CPED1: variants seen among roughly 807,000 people sequenced by gnomAD.
CPED1 encodes cadherin-like and PC-esterase domain-containing protein 1.
CPED1 carries 114 observed loss-of-function variants against 128.2 expected under a neutral mutation model. The ratio of observed to expected loss-of-function variants is 0.89; its 90% CI spans 0.76 to 1.04. The LOEUF (loss-of-function observed/expected upper bound fraction) is 1.04. Ranked by LOEUF, CPED1 falls within the 50% of genes least tolerant of loss-of-function variation. CPED1 has a pLI of 0.00. For missense variants in CPED1, 1,211 were observed against 1,207.1 expected (o/e 1.00, Z -0.05); for synonymous variants, 462 against 426.7 (o/e 1.08, Z -1.02).
intron 5 of CPED1, among the ~76,000 whole-genome samples, chr7:121,078,546 T>C (rs1794197741): frequency 6.9e-6 from 1 of 144,766 alleles, no homozygotes; most frequent in South Asian, 2.3e-4. Flanking sequence ...ATTGACATAC[T>C]AGTTGAAACT....
intron 2 of CPED1, 73 bp downstream of exon 2, chr7:120,989,943 A>T: frequency 6.5e-7 from 1 of 1,549,152 alleles, no homozygotes; most frequent in Non-Finnish European, 8.8e-7. Context: ...CTTTCTATAA[A>T]ACTAAAATTA....
chr7:121,099,007 T>A (rs1322582337), intron 6 of CPED1, among the ~76,000 whole-genome samples: 1 of 151,056 alleles, frequency 6.6e-6, no homozygotes, highest in Admixed American at 6.6e-5. Flanking sequence ...CTTAGTAGCC[T>A]GAGGTGTTTT....
In CPED1 at chr7:121,104,038, G is replaced by T. The variant is rs558539344; in HGVS notation, c.918+3944G>T. On this transcript the variant is annotated intron_variant, in intron 7 of 22. Coordinates refer to ENST00000310396, the MANE Select transcript of CPED1 (RefSeq NM_024913.5). The stretch of plus-strand genomic sequence containing the variant: ...ATATTTAAAAATTTTAGTGTTAGAT[G>T]TTTCCCAAGGATGTTCAAACCTAAA... Among the ~76,000 whole-genome samples, 7 of 152,144 alleles carry T rather than the reference G, an allele frequency of 4.6e-5. No individual in the cohort carries two copies. In the South Asian group the frequency reaches 1.2e-3, roughly 27 times the overall value.
chr7:121,111,201 A>T (rs1795098541), intron 7 of CPED1, among the ~76,000 whole-genome samples: 1 of 152,138 alleles, frequency 6.6e-6, no homozygotes, highest in South Asian at 2.1e-4. Flanking sequence ...GTTGCTCTGT[A>T]ACCTGACTGA....
chr7:121,060,591 T>C (rs1793634266), intron 4 of CPED1, among the ~76,000 whole-genome samples: 1 of 152,208 alleles, frequency 6.6e-6, no homozygotes. Flanking sequence ...AACCTTTGTG[T>C]GGACACTCTG....
At chr7:121,026,098 C>T (rs573820435) in intron 3 of CPED1, among the ~76,000 whole-genome samples, 11 of 152,230 alleles carry the variant, frequency 7.2e-5, no homozygotes, top group South Asian at 4.1e-4. Flanking sequence ...AAGCTCTGAG[C>T]GATCATTTCT....
rs182697344 is a variant in CPED1 at position 121,083,679 on chromosome 7, G to A, written c.617-14020G>A. On this transcript the variant is annotated intron_variant, in intron 5 of 22. Transcript: ENST00000310396. ...TGTGTAAATCCTGTCCTGACCACTT[G>A]ATATCCCAGTGTCCTTGGGCAAGTT... 382 of 152,396 alleles carry A rather than the reference G, an allele frequency of 2.5e-3. 2 individuals carry two copies. The highest frequency in any genetic ancestry group is 7.5e-3 in the Admixed American group (114 of 15,296). The allele number at this position is 152,396 out of a possible 1,614,324, so 9.4% of individuals were successfully genotyped here.
At chr7:121,170,484 C>G (rs763988953) in intron 16 of CPED1, among the ~76,000 whole-genome samples, 2 of 152,006 alleles carry the variant, frequency 1.3e-5, no homozygotes, top group African/African-American at 2.4e-5. Flanking sequence ...ATTAAATGAA[C>G]TTACTAGTAA....
rs1003639488 is a variant in CPED1, at chr7:121,047,119, A to T, written c.540+126A>T. The T allele has an allele frequency of 1.1e-5, 6 of 568,594 alleles. No individual in the cohort carries two copies. In the African/African-American group the frequency reaches 1.1e-4, roughly 11 times the overall value. The allele number at this position is 568,594 out of a possible 1,614,324, so 35.2% of individuals were successfully genotyped here. A position where few individuals can be genotyped will look rare whatever the true frequency, so the allele number is the denominator to read the frequency against. ...CATTGTATCTATGGAGAATCTTCCA[A>T]CTGGCCATGCCTTATATACTTTACC... On this transcript the variant is annotated intron_variant, in intron 4 of 22. Transcript: ENST00000310396.
intron 3 of CPED1, among the ~76,000 whole-genome samples, chr7:121,044,817 G>A (rs909425771): frequency 3.3e-5 from 5 of 151,908 alleles, no homozygotes; most frequent in Non-Finnish European, 7.4e-5. Flanking sequence ...ATTTATGCAT[G>A]TGCCTTGAAT....
intron 18 of CPED1, among the ~76,000 whole-genome samples, chr7:121,245,496 C>T (rs1271964993): frequency 6.6e-6 from 1 of 152,142 alleles, no homozygotes; most frequent in African/African-American, 2.4e-5. Flanking sequence ...CCGCCATAAT[C>T]TCATTGTTGA....
At chr7:121,286,005 G>A (rs1678888402) in intron 22 of CPED1, among the ~76,000 whole-genome samples, 4 of 152,234 alleles carry the variant, frequency 2.6e-5, no homozygotes, top group South Asian at 2.1e-4. Flanking sequence ...ATAAAGGAAA[G>A]AGATTTAATT....
chr7:121,228,871 A>G (rs986545931), intron 16 of CPED1, among the ~76,000 whole-genome samples: 3 of 152,008 alleles, frequency 2.0e-5, no homozygotes, highest in Non-Finnish European at 4.4e-5. Context: ...AGACAAATAA[A>G]CCAGGCACAA....
intron 3 of CPED1, among the ~76,000 whole-genome samples, chr7:121,032,321 T>C: frequency 6.6e-6 from 1 of 152,150 alleles, no homozygotes; most frequent in Middle Eastern, 3.2e-3. Context: ...GTTCTAAGCA[T>C]TTCTGGAAAG....
chr7:121,180,410 T>C (rs903109452), intron 16 of CPED1, among the ~76,000 whole-genome samples: 6 of 152,082 alleles, frequency 3.9e-5, no homozygotes, highest in Non-Finnish European at 5.9e-5. Context: ...GCTAATTTGA[T>C]TTTCTTTAAA....
chr7:121,015,726 C>G lies in CPED1; in HGVS notation c.311C>G (p.Pro104Arg). 1.2e-6 allele frequency: 2 copies of G among 1,611,932 alleles called. No individual in the cohort carries two copies. Among genetic ancestry groups the G allele is most frequent in the Non-Finnish European group, 1.7e-6 (2 of 1,179,282 alleles). The change falls in exon 3 of 23, where the codon CCT (proline) becomes CGT (arginine). Residue 104 changes from proline (P) to arginine (R), a missense_variant. Pro to Arg is a moderately radical substitution (Grantham distance 103). Coordinates refer to ENST00000310396, the MANE Select transcript of CPED1 (RefSeq NM_024913.5). ...SHGRRAILYR[P>R]PFYSKTELQL... ...GGCCGAAGGGCCATACTCTACAGGC[C>G]TCCTTTCTACAGCAAAACAGAGCTT... is the stretch of plus-strand genomic sequence containing the variant.
intron 14 of CPED1, among the ~76,000 whole-genome samples, chr7:121,136,853 T>C (rs1442329982): frequency 2.0e-5 from 3 of 151,996 alleles, no homozygotes; most frequent in Admixed American, 1.3e-4. Flanking sequence ...CAGTGTGCTA[T>C]GGTTGCATCT....
chr7:121,038,717 T>A (rs1381801036), intron 3 of CPED1, among the ~76,000 whole-genome samples: 1 of 151,998 alleles, frequency 6.6e-6, no homozygotes, highest in Non-Finnish European at 1.5e-5. Context: ...TTCATTCAGC[T>A]CACTCCTCTT....
At chr7:121,217,332 G>A (rs1214545097) in intron 16 of CPED1, among the ~76,000 whole-genome samples, 1 of 151,922 alleles carries the variant, frequency 6.6e-6, no homozygotes. Flanking sequence ...GATTTCAATG[G>A]AAATATGATT....
Sources: allele counts gnomAD v4.1 joint callset (sites outside exome capture counted in the v4.1 genomes callset), GRCh38; gene constraint gnomAD v4.1.1; transcripts MANE v1.5; gene names NCBI Gene and HGNC (gene_info 2026-07-23, HGNC 2026-07-21).